PIGK: variants seen among roughly 807,000 people sequenced by gnomAD.
The protein encoded by PIGK is GPI-anchor transamidase.
Under a neutral mutation model 50.6 loss-of-function variants are expected in PIGK, and 42 were observed. The ratio of observed to expected loss-of-function variants is 0.83; its 90% CI spans 0.65 to 1.07. PIGK has a LOEUF of 1.07. Ranked by LOEUF, PIGK falls within the 50% of genes least tolerant of loss-of-function variation. The pLI is 0.00. For synonymous variants in PIGK, 151 were observed against 156.0 expected, an observed-to-expected ratio of 0.97 and a Z score of 0.24; for missense variants, 448 against 488.7, an observed-to-expected ratio of 0.92 and a Z score of 0.78.
At chr1:77,094,163 G>A (rs1653359162) in intron 10 of PIGK, among the ~76,000 whole-genome samples, 1 of 152,050 alleles carries the variant, frequency 6.6e-6, no homozygotes, top group Non-Finnish European at 1.5e-5. Context: ...CACATACCGG[G>A]AAAAGGTTAC....
chr1:77,146,736 G>A (rs1654777329), intron 9 of PIGK, among the ~76,000 whole-genome samples: 1 of 152,014 alleles, frequency 6.6e-6, no homozygotes, highest in South Asian at 2.1e-4. Flanking sequence ...GGCGGAGGTT[G>A]CGGTGAGCCA....
chr1:77,191,890 G>A (rs1197618697), intron 3 of PIGK, among the ~76,000 whole-genome samples: 4 of 152,188 alleles, frequency 2.6e-5, no homozygotes, highest in Non-Finnish European at 5.9e-5. Context: ...GCCAGGCATG[G>A]TGATACCTGA....
intron 3 of PIGK, chr1:77,194,688 T>C: frequency 3.4e-6 from 1 of 297,760 alleles, no homozygotes; most frequent in Non-Finnish European, 6.5e-6. Flanking sequence ...TATTAGGTAC[T>C]ATGTTTATTA....
intron 3 of PIGK, among the ~76,000 whole-genome samples, chr1:77,187,132 CT>C (rs1259045656): frequency 1.3e-5 from 2 of 152,164 alleles, no homozygotes; most frequent in Non-Finnish European, 2.9e-5. Flanking sequence ...ATGGAATTCA[CT>C]GGTCTTACCA....
At chr1:77,099,304 C>T (rs2100509933) in intron 10 of PIGK, among the ~76,000 whole-genome samples, 2 of 152,124 alleles carry the variant, frequency 1.3e-5, no homozygotes, top group East Asian at 3.9e-4. Flanking sequence ...TAGTGTTTTT[C>T]TGGGGGAAGC....
intron 10 of PIGK, among the ~76,000 whole-genome samples, chr1:77,103,268 C>T (rs1029519095): frequency 2.6e-5 from 4 of 151,886 alleles, no homozygotes; most frequent in Admixed American, 6.6e-5. Context: ...GGGACAATAA[C>T]GATTCTCTTT....
At chr1:77,109,865 T>C (rs532770707) in intron 10 of PIGK, among the ~76,000 whole-genome samples, 54 of 152,268 alleles carry the variant, frequency 3.5e-4, no homozygotes, top group African/African-American at 8.4e-4. Flanking sequence ...GAAAACCCCA[T>C]TGTCTCAGCC....
chr1:77,178,981 T>G (rs1468861005), intron 3 of PIGK, among the ~76,000 whole-genome samples: 1 of 152,182 alleles, frequency 6.6e-6, no homozygotes, highest in Non-Finnish European at 1.5e-5. Context: ...TTTTTAAAAG[T>G]TATGGGTGGC....
intron 9 of PIGK, among the ~76,000 whole-genome samples, chr1:77,153,303 C>T (rs1464717711): frequency 1.3e-5 from 2 of 151,860 alleles, no homozygotes; most frequent in Admixed American, 6.6e-5. Context: ...GGGAGCAAAA[C>T]GAGTGGATGT....
chr1:77,158,566 CA>C (rs1168730304), intron 8 of PIGK, among the ~76,000 whole-genome samples: 2 of 151,930 alleles, frequency 1.3e-5, no homozygotes, highest in Admixed American at 6.6e-5. Flanking sequence ...TGGTTTTAAC[CA>C]AAAAGTCCAG....
chr1:77,117,119 C>A (rs1242060333), intron 10 of PIGK, among the ~76,000 whole-genome samples: 1 of 152,184 alleles, frequency 6.6e-6, no homozygotes, highest in Non-Finnish European at 1.5e-5. Context: ...ACTCTTTAAA[C>A]TTCTACACAA....
chr1:77,129,406 CAG>C (rs557287939), intron 9 of PIGK: 21,833 of 1,523,220 alleles, frequency 0.014, 107 homozygotes, highest in Non-Finnish European at 0.016. Context: ...CTTAAAAACA[CAG>C]AGAGTAATGC....
At chr1:77,113,740 A>C (rs1653904567) in intron 10 of PIGK, among the ~76,000 whole-genome samples, 1 of 152,154 alleles carries the variant, frequency 6.6e-6, no homozygotes, top group African/African-American at 2.4e-5. Context: ...TAAATTCTTA[A>C]GGCCATTGCA....
chr1:77,175,414 G>T (rs1010336213), intron 3 of PIGK, among the ~76,000 whole-genome samples: 1 of 152,200 alleles, frequency 6.6e-6, no homozygotes, highest in Non-Finnish European at 1.5e-5. Context: ...GCATGACGTA[G>T]GTGGTCTGTG....
At chr1:77,151,881 G>A (rs932515294) in intron 9 of PIGK, among the ~76,000 whole-genome samples, 1 of 152,126 alleles carries the variant, frequency 6.6e-6, no homozygotes, top group Non-Finnish European at 1.5e-5. Context: ...CTCATGGATT[G>A]CACGAAATAA....
At chr1:77,202,049 C>T (rs1023375758) in intron 3 of PIGK, among the ~76,000 whole-genome samples, 3 of 141,434 alleles carry the variant, frequency 2.1e-5, no homozygotes, top group African/African-American at 8.1e-5. Context: ...TGGAGTGAGA[C>T]AATCAAAAAA....
rs138508995 is a variant in PIGK, at chr1:77,203,483, C to G, written c.239+3157G>C. 1.8e-3 allele frequency among the ~76,000 whole-genome samples: 281 copies of G among 152,232 alleles called. 1 individual carries two copies. Among genetic ancestry groups the G allele is most frequent in the African/African-American group, 6.4e-3 (264 of 41,536 alleles). ...CATGGAACTTAGATAAGAAACTGGT[C>G]ATACTCGAGCTACAGAGCACTTATG... On this transcript the variant is annotated intron_variant, in intron 3 of 10. Coordinates refer to ENST00000370812, the MANE Select transcript of PIGK (RefSeq NM_005482.3).
intron 1 of PIGK, among the ~76,000 whole-genome samples, chr1:77,218,197 C>A (rs1006769636): frequency 6.6e-6 from 1 of 152,092 alleles, no homozygotes; most frequent in East Asian, 1.9e-4. Flanking sequence ...AGCACCAGGT[C>A]ATAACGTTTA....
chr1:77,181,459 T>C lies in PIGK; in HGVS notation c.240-12064A>G, dbSNP rs567294774. ...GGAATGAAATTTAAATAAATTGTAT[T>C]GGTTAAAATGTTTTTAAACTGTTCG... On this transcript the variant is annotated intron_variant, in intron 3 of 10. Transcript: ENST00000370812. Among the ~76,000 whole-genome samples, 417 of 152,262 alleles carry C rather than the reference T, an allele frequency of 2.7e-3. 1 individual carries two copies. Among genetic ancestry groups the C allele is most frequent in the African/African-American group, 9.2e-3 (384 of 41,536 alleles).
Sources: gnomAD v4.1 joint callset for allele counts (sites outside exome capture counted in the v4.1 genomes callset) on GRCh38, gnomAD v4.1.1 for gene constraint, MANE v1.5 for transcripts, NCBI Gene and HGNC (gene_info 2026-07-23, HGNC 2026-07-21) for gene names.